FAM161B: variants seen among roughly 807,000 people sequenced by gnomAD.
FAM161B encodes protein FAM161B.
In FAM161B, 46 loss-of-function variants were observed where a neutral mutation model predicts 61.5. The observed-to-expected ratio is 0.75, with a 90% CI of 0.59 to 0.96. The LOEUF is 0.96. Ranked by LOEUF, FAM161B falls within the 40% of genes least tolerant of loss-of-function variation. The pLI, the probability that FAM161B is intolerant of heterozygous loss-of-function variation, is 0.00. For synonymous variants in FAM161B, 284 were observed against 302.7 expected (o/e 0.94, Z 0.64); for missense variants, 774 against 800.7 (o/e 0.97, Z 0.40).
Position 73,935,990 on chromosome 14 carries a change from C to T in FAM161B, c.1764G>A (p.Arg588=), listed in dbSNP as rs17182699. Residue 588 remains arginine (R), a synonymous_variant, in exon 8 of 9, where the codon CGG becomes CGA. Transcript: ENST00000286544. ...DFVRNKGQGT[R]AVQEKETKIK... is the part of the protein sequence containing the mutation. Reference sequence around the variant, plus strand: ...TTTTGGTCTCTTTCTCTTGAACAGCCCGGGTGCCTTGACCCTTGTTTCTCA... The same window carrying T: ...TTTTGGTCTCTTTCTCTTGAACAGCTCGGGTGCCTTGACCCTTGTTTCTCA... 0.098 allele frequency: 157,764 copies of T among 1,613,252 alleles called. 8,854 individuals carry two copies. Among genetic ancestry groups the T allele is most frequent in the Non-Finnish European group, 0.11 (127,670 of 1,179,474 alleles).
intron 2 of FAM161B, 133 bp downstream of exon 2, chr14:73,946,153 C>T: frequency 1.1e-6 from 1 of 916,668 alleles, no homozygotes; most frequent in Non-Finnish European, 1.6e-6. Flanking sequence ...AAAGCTGATT[C>T]TCAGCTAGAG....
chr14:73,923,103 C>A, the FAM161B span, among the ~76,000 whole-genome samples: 2 of 152,130 alleles, frequency 1.3e-5, no homozygotes, highest in Non-Finnish European at 2.9e-5. Context: ...GTTCCCTTAC[C>A]TGCTTGCCTA....
At chr14:73,923,940 AT>A in the FAM161B span, among the ~76,000 whole-genome samples, 43 of 152,266 alleles carry the variant, frequency 2.8e-4, no homozygotes, top group Admixed American at 4.6e-4. Context: ...AGGAGCAAGT[AT>A]TTCCTAGAGA....
At chr14:73,946,852 G>C (rs142413508) in intron 1 of FAM161B, among the ~76,000 whole-genome samples, 5 of 152,222 alleles carry the variant, frequency 3.3e-5, no homozygotes, top group Non-Finnish European at 7.4e-5. Context: ...TGAAGGGATG[G>C]AGAGGGAAGT....
At chr14:73,942,238 G>T in intron 4 of FAM161B, 131 bp downstream of exon 4, 1 of 876,852 alleles carries the variant, frequency 1.1e-6, no homozygotes, top group Non-Finnish European at 1.7e-6. Context: ...AAGTGAATCT[G>T]CTTACAACTG....
At chr14:73,945,701 T>A (rs909780061) in intron 2 of FAM161B, among the ~76,000 whole-genome samples, 4 of 151,940 alleles carry the variant, frequency 2.6e-5, no homozygotes, top group African/African-American at 9.7e-5. Context: ...AGTGCTGGAA[T>A]TAGAGGCGTA....
downstream of FAM161B, among the ~76,000 whole-genome samples, chr14:73,929,969 AGGGCTTTTGGGCT>A (rs1248620465): frequency 6.6e-6 from 1 of 152,180 alleles, no homozygotes; most frequent in African/African-American, 2.4e-5. Context: ...TGGGAACCCC[AGGGCTTTTGGGCT>A]GTCATACTTA....
chr14:73,941,245 G>A (rs570122330), intron 4 of FAM161B, among the ~76,000 whole-genome samples, 192 bp from the exon 5 acceptor site: 53 of 150,536 alleles, frequency 3.5e-4, no homozygotes, highest in African/African-American at 1.3e-3. Context: ...AGCCTCCCAC[G>A]TAGCTGGGAC....
downstream of FAM161B, among the ~76,000 whole-genome samples, chr14:73,929,444 A>G (rs1225285862): frequency 6.6e-6 from 1 of 152,174 alleles, no homozygotes; most frequent in Admixed American, 6.6e-5. Flanking sequence ...TTTGGAGATC[A>G]CCAAGCAGTA....
chr14:73,948,146 A>G (rs2140351435), intron 1 of FAM161B, among the ~76,000 whole-genome samples: 1 of 151,972 alleles, frequency 6.6e-6, no homozygotes, highest in Middle Eastern at 3.4e-3. Context: ...CTGGTCTCCA[A>G]CTCCTGAGCT....
At chr14:73,938,454 T>C (rs2055989485) in intron 5 of FAM161B, among the ~76,000 whole-genome samples, 1 of 138,344 alleles carries the variant, frequency 7.2e-6, no homozygotes, top group Admixed American at 7.3e-5. Context: ...TCAAATTCCG[T>C]CTCAAAAATA....
chr14:73,941,460 C>G (rs1036345145), intron 4 of FAM161B, among the ~76,000 whole-genome samples: 6 of 152,030 alleles, frequency 3.9e-5, no homozygotes, highest in Non-Finnish European at 8.8e-5. Flanking sequence ...CACTGAAGGA[C>G]TGAAAATGAG....
At chr14:73,932,128 A>G (rs775689650), downstream of FAM161B, 26 of 410,738 alleles carry the variant, frequency 6.3e-5, no homozygotes, top group Non-Finnish European at 1.1e-4. Flanking sequence ...ATCTTGTCCT[A>G]TACACTTCTA....
rs549498736 is a variant in FAM161B, at chr14:73,934,788, C to T, written c.1806-394G>A. Among the ~76,000 whole-genome samples the T allele has an allele frequency of 1.1e-4, 16 of 152,196 alleles. No individual in the cohort carries two copies. In the East Asian group the frequency reaches 1.9e-3, roughly 18 times the overall value. On this transcript the variant is annotated intron_variant, in intron 8 of 8. Transcript: ENST00000286544. The stretch of plus-strand genomic sequence containing the variant: ...TAAAGCACTGTGTAAGGTTTAAGAA[C>T]GGTCTCTCCCAGCACTTTGGGAGGC...
intron 8 of FAM161B, among the ~76,000 whole-genome samples, 156 bp downstream of exon 8, chr14:73,935,793 G>A (rs996200899): frequency 2.0e-5 from 3 of 152,176 alleles, no homozygotes; most frequent in African/African-American, 2.4e-5. Context: ...AAATTCAAAT[G>A]TGTTACTTGG....
chr14:73,944,688 G>A lies in FAM161B; in HGVS notation c.572C>T (p.Ser191Leu), dbSNP rs2056050103. ...EARKKAEWLG[S>L]PASFEQERQR... ...CCTCTCCTGCTCAAAGGAGGCAGGTGAGCCCAGCCACTCGGCCTTCTTCCG... is the reference window on the plus strand; with the variant it reads ...CCTCTCCTGCTCAAAGGAGGCAGGTAAGCCCAGCCACTCGGCCTTCTTCCG... Residue 191 changes from serine to leucine, a missense_variant, in exon 3 of 9, where the codon TCA becomes TTA. Physicochemically the swap from Ser to Leu is moderately radical, Grantham distance 145. Coordinates refer to ENST00000286544, the MANE Select transcript of FAM161B (RefSeq NM_152445.3). The A allele has an allele frequency of 1.2e-6, 2 of 1,608,772 alleles. No individual in the cohort carries two copies. The highest frequency in any genetic ancestry group is 8.5e-7 in the Non-Finnish European group (1 of 1,176,024).
the FAM161B span, chr14:73,922,903 C>T: frequency 6.6e-6 from 1 of 152,218 alleles, no homozygotes; most frequent in Non-Finnish European, 1.5e-5. Flanking sequence ...ATCTAGAAAA[C>T]CCCTAGAAGA....
chr14:73,932,363 A>G lies in FAM161B; in HGVS notation c.*1893T>C, dbSNP rs1021551592. The G allele has an allele frequency of 9.7e-6, 4 of 412,934 alleles. No homozygotes were observed. Among genetic ancestry groups the G allele is most frequent in the Middle Eastern group, 3.5e-4 (1 of 2,864 alleles). The allele number at this position is 412,934 out of a possible 1,614,324, so 25.6% of individuals were successfully genotyped here. A position where few individuals can be genotyped will look rare whatever the true frequency, so the allele number is the denominator to read the frequency against. Reference sequence around the variant, plus strand: ...TCCCTTTAAAATAGTGTATTGATTTACCCTTAGGATTCCATACCAGTAAAA... The same window carrying G: ...TCCCTTTAAAATAGTGTATTGATTTGCCCTTAGGATTCCATACCAGTAAAA... On this transcript the variant is annotated 3_prime_UTR_variant, in exon 9 of 9. Coordinates refer to ENST00000286544, the MANE Select transcript of FAM161B (RefSeq NM_152445.3).
At position 73,934,268 on chromosome 14, in the gene FAM161B, T is replaced by TA; in HGVS notation, c.1931dup (p.Ser645IlefsTer17). 1 of 1,612,604 alleles carries TA rather than the reference T, an allele frequency of 6.2e-7. No individual in the cohort carries two copies. Among genetic ancestry groups the TA allele is most frequent in the Non-Finnish European group, 8.5e-7 (1 of 1,179,624 alleles). On this transcript the variant is annotated frameshift_variant, in exon 9 of 9. Transcript: ENST00000286544. LOFTEE classifies it high-confidence loss of function. ...TTAAGTGTAGTGATTAAGCAAGTGA[T>TA]ACGAGATTTTCTGGTGACTGATGAG...
Sources: gnomAD v4.1 joint callset for allele counts (sites outside exome capture counted in the v4.1 genomes callset) on GRCh38, gnomAD v4.1.1 for gene constraint, MANE v1.5 for transcripts, NCBI Gene and HGNC (gene_info 2026-07-23, HGNC 2026-07-21) for gene names.